Variants in CDH3 observed in about 807,000 individuals in gnomAD.
CDH3 encodes cadherin 3, also known as cadherin-3.
A neutral mutation model predicts 82.0 loss-of-function variants in CDH3; 54 were observed. The ratio of observed to expected loss-of-function variants is 0.66; its 90% CI spans 0.53 to 0.83. The LOEUF is 0.83. Among genes scored for constraint, CDH3 ranks in the 40% least tolerant of loss-of-function variants. The pLI is 0.00. For synonymous variants in CDH3, 446 were observed against 437.9 expected, an observed-to-expected ratio of 1.02 and a Z score of -0.23; for missense variants, 1,054 against 1,084.6, an observed-to-expected ratio of 0.97 and a Z score of 0.40.
chr16:68,697,985 TTACC>T, intron 15 of CDH3: 1 of 640,102 alleles, frequency 1.6e-6, no homozygotes, highest in Non-Finnish European at 2.8e-6. Flanking sequence ...GTCCTTGCCC[TTACC>T]CCCTGGCCTG....
At chr16:68,725,457 C>T (rs892496721) in intron 2 of CDH3, among the ~76,000 whole-genome samples, 4 of 151,918 alleles carry the variant, frequency 2.6e-5, no homozygotes, top group Admixed American at 6.6e-5. Flanking sequence ...CCTCAGTCTC[C>T]GGAGTAGCTG....
intron 15 of CDH3, among the ~76,000 whole-genome samples, chr16:68,697,772 A>G (rs1961773270): frequency 6.6e-6 from 1 of 152,128 alleles, no homozygotes. Context: ...TTACTCATTC[A>G]TCTGTTCCTT....
At chr16:68,729,984 C>T (rs1327301300), downstream of CDH3, among the ~76,000 whole-genome samples, 1 of 152,054 alleles carries the variant, frequency 6.6e-6, no homozygotes, top group Non-Finnish European at 1.5e-5. Flanking sequence ...CCTGTAATCC[C>T]ATCACTTTGG....
chr16:68,731,129 A>ATT (rs1294040887), downstream of CDH3, among the ~76,000 whole-genome samples: 3 of 121,720 alleles, frequency 2.5e-5, no homozygotes, highest in Admixed American at 9.0e-5. Flanking sequence ...ATAAAAAATA[A>ATT]TTATATATAT....
In CDH3 at chr16:68,685,227, G is replaced by A. The variant is rs1222707186; in HGVS notation, c.1447G>A (p.Ala483Thr). ...CAGCTACCGCATCCTGAGAGACCCA[G>A]CAGGGTGGCTAGCCATGGACCCAGA... ...KISYRILRDP[A>T]GWLAMDPDSG... Residue 483 changes from alanine (A) to threonine (T), a missense_variant, in exon 11 of 16, where the codon GCA becomes ACA. Ala to Thr is a moderately conservative substitution (Grantham distance 58). Transcript: ENST00000264012. 2.5e-6 allele frequency: 4 copies of A among 1,614,150 alleles called. No individual in the cohort carries two copies. The highest frequency in any genetic ancestry group is 2.2e-5 in the East Asian group (1 of 44,880).
At chr16:68,730,116 C>G (rs1322899460), downstream of CDH3, among the ~76,000 whole-genome samples, 2 of 151,862 alleles carry the variant, frequency 1.3e-5, no homozygotes, top group Non-Finnish European at 2.9e-5. Context: ...GCCTGTAATC[C>G]CAGCTACTCA....
At chr16:68,671,591 G>A (rs1466793974) in intron 2 of CDH3, among the ~76,000 whole-genome samples, 3 of 141,124 alleles carry the variant, frequency 2.1e-5, no homozygotes, top group Admixed American at 7.8e-5. Flanking sequence ...GTGCGATCTC[G>A]GCTTACTGCA....
chr16:68,688,250 G>A (rs570878250), intron 12 of CDH3, among the ~76,000 whole-genome samples: 57 of 151,790 alleles, frequency 3.8e-4, no homozygotes, highest in Non-Finnish European at 6.6e-4. Flanking sequence ...CGTTGCCCCC[G>A]TGGCCCACAA....
At chr16:68,712,918 G>A (rs1274142784) in intron 1 of CDH3, among the ~76,000 whole-genome samples, 6 of 152,064 alleles carry the variant, frequency 3.9e-5, no homozygotes, top group African/African-American at 1.4e-4. Flanking sequence ...CTGACCTCAG[G>A]TGATCCACCC....
rs1961976540 is a variant in CDH3 at position 68,707,274 on chromosome 16, C to T, written c.99+11351C>T. Among the ~76,000 whole-genome samples the T allele has an allele frequency of 6.6e-6, 1 of 152,126 alleles. No homozygotes were observed. The highest frequency in any genetic ancestry group is 6.5e-5 in the Admixed American group (1 of 15,276). ...GAGTGTGTGCAGAGATGAGGTTGGA[C>T]AGGTAAGGAGCGGGGGGCCAAGGCG... On this transcript the variant is annotated intron_variant, in intron 1 of 2. Transcript: ENST00000569080. This position sits in a 1 kb window ranked among gnomAD's most constrained non-coding sequence, Gnocchi z 4.5.
At chr16:68,662,504 C>T (rs1398913940) in intron 2 of CDH3, among the ~76,000 whole-genome samples, 2 of 150,422 alleles carry the variant, frequency 1.3e-5, no homozygotes, top group Admixed American at 6.6e-5. Context: ...TGCAGTGGCT[C>T]ACGTCTGTAA....
At chr16:68,685,904 G>T (rs1961398373) in intron 11 of CDH3, among the ~76,000 whole-genome samples, 1 of 152,334 alleles carries the variant, frequency 6.6e-6, no homozygotes, top group East Asian at 1.9e-4. Flanking sequence ...GGTGACTCAG[G>T]CCTGTAATGC....
intron 6 of CDH3, among the ~76,000 whole-genome samples, chr16:68,679,387 G>C (rs576382084): frequency 2.0e-5 from 3 of 152,338 alleles, no homozygotes; most frequent in Admixed American, 2.0e-4. Context: ...AGCAAAGACT[G>C]GAGTGTTAGA....
rs545606327 is a variant in CDH3 at position 68,680,102 on chromosome 16, G to C, written c.867+128G>C. 8.0e-6 allele frequency: 7 copies of C among 875,722 alleles called. No homozygotes were observed. The East Asian group carries it at 1.0e-4, about 13-fold the overall frequency. 54.2% of individuals were successfully genotyped at this position (875,722 alleles called of 1,614,324 possible). On this transcript the variant is annotated intron_variant, in intron 7 of 15. Transcript: ENST00000264012. ...GAACAGTGAGGACCCACGTCAGCTG[G>C]GATGGCCACTGCTGGGTTCACATGC...
intron 2 of CDH3, among the ~76,000 whole-genome samples, chr16:68,725,401 T>G (rs1439952423): frequency 6.6e-6 from 1 of 151,914 alleles, no homozygotes; most frequent in East Asian, 2.0e-4. Flanking sequence ...TGGCCCGATC[T>G]CGGCTCACTG....
At chr16:68,690,043 T>C (rs944391292) in intron 12 of CDH3, among the ~76,000 whole-genome samples, 1 of 152,202 alleles carries the variant, frequency 6.6e-6, no homozygotes, top group Admixed American at 6.6e-5. Flanking sequence ...ATTATGTTCG[T>C]CACCCACACA....
intron 4 of CDH3, 45 bp downstream of exon 4, chr16:68,678,322 C>T: frequency 6.2e-7 from 1 of 1,607,978 alleles, no homozygotes; most frequent in Middle Eastern, 1.7e-4. Context: ...GCTCCAGGGA[C>T]CCCCATCCAA....
At position 68,698,897 on chromosome 16, in the gene CDH3, C is replaced by T. The variant is rs897411687; in HGVS notation, c.*497C>T. On this transcript the variant is annotated 3_prime_UTR_variant, in exon 16 of 16. Transcript: ENST00000264012. The stretch of plus-strand genomic sequence containing the variant: ...TTTCCAGACCCCAATGCCTCCCATT[C>T]GGATGGATCTCTGCGTTTTTATACT... 4.7e-4 allele frequency: 77 copies of T among 164,508 alleles called. No homozygotes were observed. Among genetic ancestry groups the T allele is most frequent in the African/African-American group, 1.7e-3 (72 of 41,648 alleles). 10.2% of individuals were successfully genotyped at this position (164,508 alleles called of 1,614,324 possible). A position where few individuals can be genotyped will look rare whatever the true frequency, so the allele number is the denominator to read the frequency against.
At chr16:68,702,871 A>T (rs1046298999), downstream of CDH3, among the ~76,000 whole-genome samples, 2 of 152,068 alleles carry the variant, frequency 1.3e-5, no homozygotes, top group Non-Finnish European at 2.9e-5. Context: ...TCTCAAAAAA[A>T]AAAAGTGGAG....
Sources: gnomAD v4.1 joint callset for allele counts (sites outside exome capture counted in the v4.1 genomes callset) on GRCh38, gnomAD v4.1.1 for gene constraint, Gnocchi (gnomAD v3.1) non-coding constraint, MANE v1.5 for transcripts, NCBI Gene and HGNC (gene_info 2026-07-23, HGNC 2026-07-21) for gene names.